MYH9: variants seen among roughly 807,000 people sequenced by gnomAD.
MYH9 encodes myosin-9.
MYH9 carries 29 observed loss-of-function variants against 241.9 expected under a neutral mutation model. That is an observed-to-expected ratio of 0.12 (90% CI 0.09 to 0.16). The LOEUF (loss-of-function observed/expected upper bound fraction) is 0.16, where lower values mean the gene tolerates loss of function less well. Among genes scored for constraint, MYH9 ranks in the 10% least tolerant of loss-of-function variants. MYH9 has a pLI of 1.00. For synonymous variants in MYH9, 1,047 were observed against 1,062.6 expected (o/e 0.99, Z 0.29); for missense variants, 1,803 against 2,595.5 (o/e 0.69, Z 6.63).
At chr22:36,372,766 G>A (rs764257771) in intron 1 of MYH9, among the ~76,000 whole-genome samples, 48 of 152,220 alleles carry the variant, frequency 3.2e-4, no homozygotes, top group South Asian at 4.1e-4. Context: ...TCGTGCCCTC[G>A]GTGGGGTGGG....
chr22:36,321,088 G>A (rs1181227001), intron 7 of MYH9, among the ~76,000 whole-genome samples, 192 bp from the exon 8 acceptor site: 2 of 152,144 alleles, frequency 1.3e-5, no homozygotes, highest in East Asian at 3.9e-4. Context: ...AAGTAGCTGG[G>A]ATTACAGGCG....
intron 3 of MYH9, among the ~76,000 whole-genome samples, chr22:36,334,299 G>C (rs543532028): frequency 6.6e-6 from 1 of 152,210 alleles, no homozygotes; most frequent in Non-Finnish European, 1.5e-5. Context: ...AGCGCCTCCC[G>C]GCTGCAGCCA....
At chr22:36,318,152 C>A in intron 11 of MYH9, 55 bp downstream of exon 11, 1 of 1,479,428 alleles carries the variant, frequency 6.8e-7, no homozygotes, top group Non-Finnish European at 9.4e-7. Context: ...AACTGTGCTG[C>A]TGCAGGGACA....
chr22:36,349,429 T>C (rs1476042892), intron 1 of MYH9, among the ~76,000 whole-genome samples, 174 bp from the exon 2 acceptor site: 2 of 152,132 alleles, frequency 1.3e-5, no homozygotes, highest in Non-Finnish European at 2.9e-5. Flanking sequence ...AAGATGTGCA[T>C]CACTGAAAAA....
At chr22:36,349,591 G>A (rs560114893) in intron 1 of MYH9, among the ~76,000 whole-genome samples, 7 of 152,210 alleles carry the variant, frequency 4.6e-5, no homozygotes, top group Non-Finnish European at 7.4e-5. Context: ...TTAACCAGGC[G>A]TGGTGGTGCA....
chr22:36,284,775 C>A (rs986779397), intron 38 of MYH9, among the ~76,000 whole-genome samples: 1 of 152,180 alleles, frequency 6.6e-6, no homozygotes, highest in Non-Finnish European at 1.5e-5. Context: ...GGTCTGGGGG[C>A]CTACTGTAAA....
chr22:36,376,367 C>A (rs951251326), intron 1 of MYH9, among the ~76,000 whole-genome samples: 1 of 152,084 alleles, frequency 6.6e-6, no homozygotes, highest in Non-Finnish European at 1.5e-5. Flanking sequence ...TCCTCCCAGG[C>A]AATCCTAGCC....
At position 36,306,929 on chromosome 22, in the gene MYH9, A is replaced by G. The variant is rs907188544; in HGVS notation, c.1844-322T>C. Among the ~76,000 whole-genome samples the G allele has an allele frequency of 2.0e-5, 3 of 152,090 alleles. No individual in the cohort carries two copies. The highest frequency in any genetic ancestry group is 7.2e-5 in the African/African-American group (3 of 41,394). On this transcript the variant is annotated intron_variant, in intron 15 of 40. Coordinates refer to ENST00000216181, the MANE Select transcript of MYH9 (RefSeq NM_002473.6). This position sits in a 1 kb window ranked among gnomAD's most constrained non-coding sequence, Gnocchi z 4.1. ...AAAGACTCAATGAAGCTAGTCATGT[A>G]TTTTGGAATAGTGAGAATTCTACTA... is the stretch of plus-strand genomic sequence containing the variant.
Position 36,285,113 on chromosome 22 carries a change from G to A in MYH9, c.5483+8C>T, listed in dbSNP as rs755460929. Reference sequence around the variant, plus strand: ...CAGCTGGGGTTGGGCGGGGCCAGGGGCACGTACTTGGTCTCGTTGTCCAGC... The same window carrying A: ...CAGCTGGGGTTGGGCGGGGCCAGGGACACGTACTTGGTCTCGTTGTCCAGC... On this transcript the variant is annotated splice_region_variant and intron_variant, in intron 38 of 40. Transcript: ENST00000216181. The surrounding 1 kb of genome is among the most constrained non-coding windows in gnomAD (Gnocchi z 7.0). 3.1e-6 allele frequency: 5 copies of A among 1,613,412 alleles called. No individual in the cohort carries two copies. The Admixed American group carries it at 5.0e-5, about 16-fold the overall frequency.
chr22:36,375,955 C>CTTTTTTTT (rs751350180), intron 1 of MYH9, among the ~76,000 whole-genome samples: 52 of 89,092 alleles, frequency 5.8e-4, no homozygotes, highest in Non-Finnish European at 6.9e-4. Context: ...TCAATAATTT[C>CTTTTTTTT]TTTTTTTTTT....
rs1195487106 is a variant in MYH9 at position 36,288,300 on chromosome 22, C to G, written c.4884G>C (p.Ser1628=). The G allele has an allele frequency of 1.4e-5, 23 of 1,614,008 alleles. No individual in the cohort carries two copies. Among genetic ancestry groups the G allele is most frequent in the Non-Finnish European group, 1.9e-5 (23 of 1,180,046 alleles). The change falls in exon 34 of 41, where the codon TCG becomes TCC. Residue 1628 remains serine (S), a synonymous_variant. Transcript: ENST00000216181. This position sits in a 1 kb window ranked among gnomAD's most constrained non-coding sequence, Gnocchi z 4.8. ...DLKDLEAHID[S]ANKNRDEAIK... is the part of the protein sequence containing the mutation. ...TGGCTTCGTCCCGGTTCTTGTTGGC[C>G]GAGTCGATGTGCGCCTCCAGGTCCT...
In MYH9 at chr22:36,318,398, C is replaced by T. The variant is rs151044717; in HGVS notation, c.1109-73G>A. 3.9e-5 allele frequency: 47 copies of T among 1,214,614 alleles called. No homozygotes were observed. In the African/African-American group the frequency reaches 5.8e-4, roughly 15 times the overall value. 75.2% of individuals were successfully genotyped at this position (1,214,614 alleles called of 1,614,324 possible). A position where few individuals can be genotyped will look rare whatever the true frequency, so the allele number is the denominator to read the frequency against. On this transcript the variant is annotated intron_variant, in intron 10 of 40. Transcript: ENST00000216181. ...CCCAAGAGAGAAAGTTCTAATTAGA[C>T]CCAAGAGAATAAGTCCCTCTGCTTG...
chr22:36,308,194 G>A (rs2017002413), intron 15 of MYH9, among the ~76,000 whole-genome samples: 1 of 152,090 alleles, frequency 6.6e-6, no homozygotes, highest in Admixed American at 6.5e-5. Context: ...AGCCATTCAA[G>A]CAGTTTAAGA....
At chr22:36,323,766 G>C (rs1204765032) in intron 5 of MYH9, among the ~76,000 whole-genome samples, 4 of 152,080 alleles carry the variant, frequency 2.6e-5, no homozygotes, top group Non-Finnish European at 5.9e-5. Flanking sequence ...CCCAACCCAG[G>C]GCTAGGAAGC....
intron 1 of MYH9, among the ~76,000 whole-genome samples, chr22:36,385,184 T>C (rs1431436121): frequency 1.3e-5 from 2 of 151,850 alleles, no homozygotes; most frequent in Non-Finnish European, 2.9e-5. Flanking sequence ...CTCTCTCTCT[T>C]TTTCCTTTGC....
intron 3 of MYH9, among the ~76,000 whole-genome samples, chr22:36,333,225 G>A (rs968442096): frequency 1.2e-4 from 19 of 152,242 alleles, no homozygotes; most frequent in African/African-American, 2.7e-4. Context: ...TGAGTCAAAC[G>A]TGCTTGAGAG....
chr22:36,375,186 A>G (rs1414647801), intron 1 of MYH9, among the ~76,000 whole-genome samples: 5 of 152,182 alleles, frequency 3.3e-5, no homozygotes, highest in East Asian at 3.9e-4. Flanking sequence ...AAGGAACCCA[A>G]TGGTTTCAAG....
chr22:36,317,028 C>T (rs193048623), intron 11 of MYH9, among the ~76,000 whole-genome samples: 15 of 141,582 alleles, frequency 1.1e-4, no homozygotes, highest in African/African-American at 3.8e-4. Flanking sequence ...CAGCAGTCTA[C>T]GGCCATACCA....
intron 2 of MYH9, among the ~76,000 whole-genome samples, chr22:36,344,264 C>T (rs1010263992): frequency 1.1e-4 from 16 of 152,222 alleles, no homozygotes; most frequent in Non-Finnish European, 2.4e-4. Context: ...ATTCACAGGC[C>T]ACAGAGGCTC....
Sources: gnomAD v4.1 joint callset for allele counts (sites outside exome capture counted in the v4.1 genomes callset) on GRCh38, gnomAD v4.1.1 for gene constraint, Gnocchi (gnomAD v3.1) non-coding constraint, MANE v1.5 for transcripts, NCBI Gene and HGNC (gene_info 2026-07-23, HGNC 2026-07-21) for gene names.